The following PACS1 variants were observed in gnomAD, a reference collection of about 807,000 sequenced individuals.
PACS1 encodes PACS-1.
Under a neutral mutation model 115.0 loss-of-function variants are expected in PACS1, and 24 were observed. The ratio of observed to expected loss-of-function variants is 0.21; its 90% CI spans 0.15 to 0.29. The LOEUF (loss-of-function observed/expected upper bound fraction) is 0.29. PACS1 is among the 10% of genes least tolerant of loss of function. PACS1 has a pLI of 1.00. For synonymous variants in PACS1, 453 were observed against 504.5 expected (o/e 0.90, Z 1.37); for missense variants, 838 against 1,251.2 (o/e 0.67, Z 4.98).
chr11:66,105,925 G>C (rs11227410), intron 1 of PACS1, among the ~76,000 whole-genome samples: 31,643 of 152,074 alleles, frequency 0.21, 3,392 homozygotes, highest in Middle Eastern at 0.29. Context: ...CTTTTTATTT[G>C]AGATGAAACC....
At chr11:66,204,882 C>A (rs1854898258) in intron 2 of PACS1, among the ~76,000 whole-genome samples, 1 of 152,158 alleles carries the variant, frequency 6.6e-6, no homozygotes. Flanking sequence ...TGGCTCACGC[C>A]TGTAATCCTA....
chr11:66,216,851 C>T (rs1477987692), intron 7 of PACS1, 76 bp downstream of exon 7: 1 of 923,386 alleles, frequency 1.1e-6, no homozygotes, highest in Middle Eastern at 2.2e-4. Flanking sequence ...CATATTCAGG[C>T]CTAGTGGAGA....
Position 66,232,185 on chromosome 11 carries a change from T to C in PACS1, c.1640T>C (p.Val547Ala), listed in dbSNP as rs747152812. Residue 547 changes from valine (V) to alanine (A), a missense_variant, in exon 14 of 24, where the codon GTG becomes GCG. Around this residue, in one of 6 missense-constraint regions of PACS1, gnomAD observed 383 missense variants for 537.0 expected, o/e 0.71. Transcript: ENST00000320580. ...LGHSTQIPRKVVYDQLNQILV... is the reference protein window; with the variant it reads ...LGHSTQIPRKAVYDQLNQILV... ...TTGTTCCTGCAGATTCCAAGAAAGG[T>C]GGTGTATGACCAGCTCAATCAGATC... 1.9e-6 allele frequency: 3 copies of C among 1,611,582 alleles called. No individual in the cohort carries two copies. Among genetic ancestry groups the C allele is most frequent in the Non-Finnish European group, 1.7e-6 (2 of 1,177,720 alleles).
At chr11:66,176,415 A>ATT (rs11424379) in intron 1 of PACS1, among the ~76,000 whole-genome samples, 8,509 of 143,064 alleles carry the variant, frequency 0.059, 710 homozygotes, top group African/African-American at 0.19. Flanking sequence ...TAAGATCCAG[A>ATT]TTTTTTTTTT....
rs578253793 is a variant in PACS1 at position 66,224,678 on chromosome 11, C to A, written c.1294-2826C>A. On this transcript the variant is annotated intron_variant, in intron 10 of 23. Coordinates refer to ENST00000320580, the MANE Select transcript of PACS1 (RefSeq NM_018026.4). ...GCTGATATTTCTATTTTGAAGAGCC[C>A]CATATGTCTGGATGTGGGTGTGAAA... 6.6e-5 allele frequency among the ~76,000 whole-genome samples: 10 copies of A among 152,196 alleles called. No homozygotes were observed. In the South Asian group the frequency reaches 2.1e-3, roughly 32 times the overall value.
Position 66,140,292 on chromosome 11 carries a change from T to G in PACS1, c.357-53194T>G, listed in dbSNP as rs1272702394. Among the ~76,000 whole-genome samples the G allele has an allele frequency of 2.0e-5, 3 of 152,338 alleles. No homozygotes were observed. The South Asian group carries it at 6.2e-4, about 32-fold the overall frequency. On this transcript the variant is annotated intron_variant, in intron 1 of 23. Transcript: ENST00000320580. ...CTTGCAAACCGAGGAGATTTTTGACTGAGCTCTAGTTCGGAACTTTTTCCT... is the reference window on the plus strand; with the variant it reads ...CTTGCAAACCGAGGAGATTTTTGACGGAGCTCTAGTTCGGAACTTTTTCCT...
chr11:66,116,553 G>T (rs372235971), intron 1 of PACS1, among the ~76,000 whole-genome samples: 25 of 152,156 alleles, frequency 1.6e-4, no homozygotes, highest in African/African-American at 6.0e-4. Context: ...TAGCTTTTTG[G>T]AAATAGAGTG....
chr11:66,070,686 C>T lies in PACS1; in HGVS notation c.200C>T (p.Ser67Phe). Residue 67 changes from serine to phenylalanine, a missense_variant, in exon 1 of 24, where the codon TCC becomes TTC. This residue lies in a region of PACS1 where 129 missense variants were observed against 109.4 expected (regional missense o/e 1.18). Transcript: ENST00000320580. The surrounding 1 kb of genome is among the most constrained non-coding windows in gnomAD (Gnocchi z 5.9). ...TCCACCTCGGCGGCGGCTGCCTCCT[C>T]CTCGTCCTCGTCTACCTCCACCTCC... ...SSSTSAAAAS[S>F]SSSSTSTSMA... 6 of 1,578,822 alleles carry T rather than the reference C, an allele frequency of 3.8e-6. No homozygotes were observed. Among genetic ancestry groups the T allele is most frequent in the Non-Finnish European group, 5.1e-6 (6 of 1,170,084 alleles).
At chr11:66,211,792 A>G (rs1855076653) in intron 4 of PACS1, among the ~76,000 whole-genome samples, 1 of 152,194 alleles carries the variant, frequency 6.6e-6, no homozygotes, top group South Asian at 2.1e-4. Context: ...CACAGTCCCT[A>G]TTCGGATTGT....
chr11:66,079,158 A>G (rs2134498173), intron 1 of PACS1, among the ~76,000 whole-genome samples: 1 of 152,294 alleles, frequency 6.6e-6, no homozygotes, highest in Middle Eastern at 3.4e-3. Flanking sequence ...GCGTCAGCAG[A>G]TTACTGGCGT....
intron 1 of PACS1, among the ~76,000 whole-genome samples, chr11:66,134,522 T>G (rs1450801654): frequency 6.6e-6 from 1 of 152,020 alleles, no homozygotes; most frequent in African/African-American, 2.4e-5. Context: ...CTGATTTGGA[T>G]GTACAAATAT....
In PACS1 at chr11:66,232,157, C is replaced by G. The variant is rs1304120428; in HGVS notation, c.1627-15C>G. The stretch of plus-strand genomic sequence containing the variant: ...GGGACTCCCTAACAAGAGACACTTT[C>G]TTTTGTTCCTGCAGATTCCAAGAAA... On this transcript the variant is annotated splice_polypyrimidine_tract_variant and intron_variant, in intron 13 of 23. Transcript: ENST00000320580. The G allele has an allele frequency of 2.5e-6, 4 of 1,579,586 alleles. No homozygotes were observed. The highest frequency in any genetic ancestry group is 2.2e-5 in the East Asian group (1 of 44,708).
intron 1 of PACS1, among the ~76,000 whole-genome samples, chr11:66,126,934 C>G (rs372177876): frequency 1.3e-5 from 2 of 152,218 alleles, no homozygotes; most frequent in East Asian, 3.9e-4. Context: ...AGCTTTTCAT[C>G]AAAGCAGGAA....
chr11:66,181,436 A>C (rs1860010003), intron 1 of PACS1, among the ~76,000 whole-genome samples: 1 of 149,854 alleles, frequency 6.7e-6, no homozygotes, highest in Admixed American at 6.6e-5. Flanking sequence ...CTGGTCTTGA[A>C]CTCCTGACCT....
chr11:66,162,112 GTTTTTTTTTTTTT>G (rs58980906), intron 1 of PACS1, among the ~76,000 whole-genome samples: 68 of 56,372 alleles, frequency 1.2e-3, no homozygotes, highest in African/African-American at 3.8e-3. Context: ...GGTGGTGGTG[GTTTTTTTTTTTTT>G]TTTTTTTTTT....
In PACS1 at chr11:66,217,617, G is replaced by C. The variant is rs917553267; in HGVS notation, c.978+842G>C. The C allele has an allele frequency of 8.8e-6, 4 of 456,202 alleles. No homozygotes were observed. The Admixed American group carries it at 9.4e-5, about 11-fold the overall frequency. The allele number at this position is 456,202 out of a possible 1,614,324, so 28.3% of individuals were successfully genotyped here. On this transcript the variant is annotated intron_variant, in intron 7 of 23. Coordinates refer to ENST00000320580, the MANE Select transcript of PACS1 (RefSeq NM_018026.4). ...CACAATGAGGTGTCACTGGACTTCA[G>C]GTAAATCCGTGAGACTGTGACCTGG...
At chr11:66,238,615 C>T in intron 19 of PACS1, 189 bp from the exon 20 acceptor site, 2 of 595,102 alleles carry the variant, frequency 3.4e-6, no homozygotes, top group East Asian at 3.2e-5. Flanking sequence ...ATTCTCCTAT[C>T]TCAGCCTCCC....
rs945333086 is a variant in PACS1 at position 66,070,664 on chromosome 11, A to T, written c.178A>T (p.Thr60Ser). The T allele has an allele frequency of 3.2e-6, 5 of 1,568,012 alleles. No homozygotes were observed. The highest frequency in any genetic ancestry group is 4.3e-6 in the Non-Finnish European group (5 of 1,163,824). Reference protein sequence around the residue: ...LAQATSSSSSTSAAAASSSSS... With the variant: ...LAQATSSSSSSSAAAASSSSS... ...CCAGGCCACCTCGTCGTCCTCGTCCACCTCGGCGGCGGCTGCCTCCTCCTC... is the reference window on the plus strand; with the variant it reads ...CCAGGCCACCTCGTCGTCCTCGTCCTCCTCGGCGGCGGCTGCCTCCTCCTC... Residue 60 changes from threonine to serine, a missense_variant, in exon 1 of 24, where the codon ACC becomes TCC. Physicochemically the swap from Thr to Ser is moderately conservative, Grantham distance 58. This residue lies in a region of PACS1 where 129 missense variants were observed against 109.4 expected (regional missense o/e 1.18). Coordinates refer to ENST00000320580, the MANE Select transcript of PACS1 (RefSeq NM_018026.4). The surrounding 1 kb of genome is among the most constrained non-coding windows in gnomAD (Gnocchi z 5.9).
In PACS1 at chr11:66,243,327, C is replaced by T. The variant is rs1211855623; in HGVS notation, c.*47C>T. 7.4e-7 allele frequency: 1 copy of T among 1,352,680 alleles called. No homozygotes were observed. The highest frequency in any genetic ancestry group is 1.0e-6 in the Non-Finnish European group (1 of 972,878). 83.8% of individuals were successfully genotyped at this position (1,352,680 alleles called of 1,614,324 possible). A position where few individuals can be genotyped will look rare whatever the true frequency, so the allele number is the denominator to read the frequency against. ...TCCCTCCTGGCACTGCCACCAGCCT[C>T]ACCGCCTGCGGGCAGGGGGAGGCCA... is the stretch of plus-strand genomic sequence containing the variant. On this transcript the variant is annotated 3_prime_UTR_variant, in exon 24 of 24. Coordinates refer to ENST00000320580, the MANE Select transcript of PACS1 (RefSeq NM_018026.4).
Sources: allele counts gnomAD v4.1 joint callset (sites outside exome capture counted in the v4.1 genomes callset), GRCh38; gene constraint gnomAD v4.1.1; regional missense constraint gnomAD v4.1.1; non-coding constraint Gnocchi (gnomAD v3.1); transcripts MANE v1.5; gene names NCBI Gene and HGNC (gene_info 2026-07-23, HGNC 2026-07-21).